The following FAM20C variants were observed in gnomAD, a reference collection of about 807,000 sequenced individuals.
FAM20C encodes FAM20C golgi associated secretory pathway kinase, also known as extracellular serine/threonine protein kinase FAM20C.
Under a neutral mutation model 51.5 loss-of-function variants are expected in FAM20C, and 40 were observed. The observed-to-expected ratio is 0.78, with a 90% CI of 0.60 to 1.01. FAM20C has a LOEUF of 1.01. FAM20C is among the 50% of genes least tolerant of loss of function. The probability of loss-of-function intolerance (pLI) is 0.00; values close to 1 mark genes in which losing one functional copy is unlikely to be tolerated. For synonymous variants in FAM20C, 406 were observed against 380.6 expected, an observed-to-expected ratio of 1.07 and a Z score of -0.78; for missense variants, 861 against 844.7, an observed-to-expected ratio of 1.02 and a Z score of -0.24.
intron 2 of FAM20C, among the ~76,000 whole-genome samples, chr7:201,566 G>A (rs1236124116): frequency 1.1e-4 from 16 of 152,216 alleles, no homozygotes; most frequent in Admixed American, 1.0e-3. Flanking sequence ...CCTGCTCTGG[G>A]TTCTTCCTTC....
chr7:214,373 A>G (rs910307901), intron 3 of FAM20C, among the ~76,000 whole-genome samples: 1 of 152,180 alleles, frequency 6.6e-6, no homozygotes, highest in Non-Finnish European at 1.5e-5. Flanking sequence ...CCTTTACCAC[A>G]TATGTGGTAT....
In FAM20C at chr7:259,959, C is replaced by G; in HGVS notation, c.1734C>G (p.His578Gln). The G allele has an allele frequency of 6.6e-7, 1 of 1,521,084 alleles. No individual in the cohort carries two copies. The allele number at this position is 1,521,084 out of a possible 1,614,324, so 94.2% of individuals were successfully genotyped here. Residue 578 changes from histidine (H) to glutamine (Q), a missense_variant, in exon 10 of 10, where the codon CAC becomes CAG. By Grantham distance (24) the His-to-Gln change is conservative. This residue lies in a region of FAM20C where 269 missense variants were observed against 283.8 expected (regional missense o/e 0.95). Coordinates refer to ENST00000313766, the MANE Select transcript of FAM20C (RefSeq NM_020223.4). ...TGGATGACGACCTGGACACTGAGCA[C>G]AGAGCCGCCTCGGCGAGGTAGTGTC... ...SVVDDDLDTE[H>Q]RAASAR
chr7:256,632 G>A (rs774671985), intron 6 of FAM20C, 22 bp from the exon 7 acceptor site: 200 of 1,529,192 alleles, frequency 1.3e-4, no homozygotes, highest in Non-Finnish European at 1.6e-4. Flanking sequence ...TGGGCCCCCC[G>A]TCTCACGCTG....
In FAM20C at chr7:256,780, C is replaced by T; in HGVS notation, c.1363+17C>T. The T allele has an allele frequency of 6.5e-7, 1 of 1,532,930 alleles. No individual in the cohort carries two copies. Among genetic ancestry groups the T allele is most frequent in the South Asian group, 1.2e-5 (1 of 83,970 alleles). The allele number at this position is 1,532,930 out of a possible 1,614,324, so 95.0% of individuals were successfully genotyped here. A position where few individuals can be genotyped will look rare whatever the true frequency, so the allele number is the denominator to read the frequency against. On this transcript the variant is annotated intron_variant, in intron 7 of 9. Transcript: ENST00000313766. ...TCCTCATGGGTACGTCCCGCAGGGG[C>T]ACGGGGTCCCCGTGTCACTCGCCTT...
chr7:233,220 T>C (rs1408557462), intron 3 of FAM20C, among the ~76,000 whole-genome samples: 1 of 152,164 alleles, frequency 6.6e-6, no homozygotes, highest in African/African-American at 2.4e-5. Flanking sequence ...CGTGTGGTGT[T>C]TGTCACCCTC....
intron 3 of FAM20C, among the ~76,000 whole-genome samples, chr7:210,401 C>T (rs1235750621): frequency 6.6e-6 from 1 of 152,126 alleles, no homozygotes; most frequent in Non-Finnish European, 1.5e-5. Flanking sequence ...TTGAAGACCC[C>T]TCCTTTCAGG....
At chr7:193,906 G>A in intron 1 of FAM20C, 102 bp downstream of exon 1, 3 of 1,411,448 alleles carry the variant, frequency 2.1e-6, no homozygotes, top group East Asian at 2.8e-5. Flanking sequence ...CCATGGAAGA[G>A]GCCGGGCAGG....
Position 193,613 on chromosome 7 carries a change from G to T in FAM20C, c.414G>T (p.Pro138=). The T allele has an allele frequency of 6.5e-7, 1 of 1,534,438 alleles. No homozygotes were observed. Among genetic ancestry groups the T allele is most frequent in the African/African-American group, 1.4e-5 (1 of 71,546 alleles). The change falls in exon 1 of 10, where the codon CCG becomes CCT. Residue 138 remains proline, a synonymous_variant. Coordinates refer to ENST00000313766, the MANE Select transcript of FAM20C (RefSeq NM_020223.4). ...GACCCCACGACCCCGCGCACCGGCC[G>T]CTGCTGCGAGACCCCGGCCCGCGTC... is the stretch of plus-strand genomic sequence containing the variant. ...ALRPHDPAHR[P]LLRDPGPRRS...
chr7:205,886 G>A (rs889953668), intron 2 of FAM20C, among the ~76,000 whole-genome samples: 1 of 151,986 alleles, frequency 6.6e-6, no homozygotes, highest in Non-Finnish European at 1.5e-5. Context: ...CCAGCCAGCC[G>A]CCACCTGAGA....
At chr7:258,561 T>C in intron 8 of FAM20C, 85 bp from the exon 9 acceptor site, 6 of 1,382,766 alleles carry the variant, frequency 4.3e-6, no homozygotes, top group Non-Finnish European at 5.9e-6. Flanking sequence ...TACAGGCAGG[T>C]GGACCCATGG....
chr7:240,770 A>G (rs1787923095), intron 3 of FAM20C, among the ~76,000 whole-genome samples: 1 of 152,050 alleles, frequency 6.6e-6, no homozygotes. Context: ...AATGCCACCG[A>G]TTGTGGCCCG....
rs779708323 is a variant in FAM20C, at chr7:208,951, G to A, written c.838G>A (p.Gly280Arg). The A allele has an allele frequency of 1.9e-6, 3 of 1,585,744 alleles. No individual in the cohort carries two copies. Among genetic ancestry groups the A allele is most frequent in the Non-Finnish European group, 2.6e-6 (3 of 1,166,022 alleles). ...GCTCATCATGACCTTCCAGAATTAC[G>A]GGCAAGCGCTGTTCAAACCCATGAA... The part of the protein sequence containing the change: ...LKLIMTFQNY[G>R]QALFKPMKQT... The change falls in exon 3 of 10, where the codon GGG becomes AGG. Residue 280 changes from glycine to arginine, a missense_variant. This residue lies in a region of FAM20C where 561 missense variants were observed against 499.8 expected (regional missense o/e 1.12). Transcript: ENST00000313766.
intron 2 of FAM20C, among the ~76,000 whole-genome samples, chr7:204,875 C>G (rs1052469381): frequency 1.3e-5 from 2 of 151,500 alleles, no homozygotes; most frequent in Non-Finnish European, 2.9e-5. Context: ...CTGTGTGGCT[C>G]TGGCCATGGT....
intron 3 of FAM20C, among the ~76,000 whole-genome samples, chr7:210,867 G>T (rs575094048): frequency 2.6e-5 from 4 of 152,156 alleles, no homozygotes; most frequent in Non-Finnish European, 5.9e-5. Context: ...TCTAACCCAG[G>T]CCCTGCGGGA....
intron 3 of FAM20C, among the ~76,000 whole-genome samples, chr7:210,523 A>C (rs1786661103): frequency 6.6e-6 from 1 of 152,108 alleles, no homozygotes; most frequent in Non-Finnish European, 1.5e-5. Context: ...TAGTCGCTGA[A>C]TGGCGGCGTC....
intron 3 of FAM20C, among the ~76,000 whole-genome samples, chr7:224,231 C>T (rs1214666748): frequency 4.3e-4 from 45 of 104,374 alleles, no homozygotes; most frequent in African/African-American, 6.3e-4. Flanking sequence ...CCTTCTCTCA[C>T]GGAGCAGAAC....
At chr7:248,568 C>G (rs1401579911) in intron 5 of FAM20C, 138 bp downstream of exon 5, 1 of 596,238 alleles carries the variant, frequency 1.7e-6, no homozygotes, top group Non-Finnish European at 3.0e-6. Context: ...CCACATTCAC[C>G]TCTCCAGGTA....
chr7:250,984 A>G (rs1035670421), intron 5 of FAM20C, among the ~76,000 whole-genome samples: 2 of 152,244 alleles, frequency 1.3e-5, no homozygotes, highest in African/African-American at 2.4e-5. Context: ...CGATTGAAAG[A>G]GACGGTCACA....
At position 256,257 on chromosome 7, in the gene FAM20C, C is replaced by A. The variant is rs546423154; in HGVS notation, c.1253+228C>A. The A allele has an allele frequency of 1.9e-3, 1,176 of 620,840 alleles. 2 individuals carry two copies. Among genetic ancestry groups the A allele is most frequent in the Middle Eastern group, 3.9e-3 (9 of 2,306 alleles). 38.5% of individuals were successfully genotyped at this position (620,840 alleles called of 1,614,324 possible). A position where few individuals can be genotyped will look rare whatever the true frequency, so the allele number is the denominator to read the frequency against. Reference sequence around the variant, plus strand: ...CCCTGACCCGGGCCGGCCTGCCCACCAGGTCCCTCGAATCGGGGCCTCTCA... The same window carrying A: ...CCCTGACCCGGGCCGGCCTGCCCACAAGGTCCCTCGAATCGGGGCCTCTCA... On this transcript the variant is annotated intron_variant, in intron 6 of 9. Transcript: ENST00000313766.
Sources: gnomAD v4.1 joint callset for allele counts (sites outside exome capture counted in the v4.1 genomes callset) on GRCh38, gnomAD v4.1.1 for gene constraint, gnomAD v4.1.1 regional missense constraint, MANE v1.5 for transcripts, NCBI Gene and HGNC (gene_info 2026-07-23, HGNC 2026-07-21) for gene names.